Variants in TTC3 observed in about 807,000 individuals in gnomAD.
TTC3 encodes the protein E3 ubiquitin-protein ligase TTC3.
In TTC3, 180 loss-of-function variants were observed where a neutral mutation model predicts 249.6. The observed-to-expected ratio is 0.72, with a 90% CI of 0.64 to 0.82. The LOEUF is 0.82. Among genes scored for constraint, TTC3 ranks in the 40% least tolerant of loss-of-function variants. The pLI, the probability that TTC3 is intolerant of heterozygous loss-of-function variation, is 0.00. For missense variants in TTC3, 2,061 were observed against 2,398.4 expected (o/e 0.86, Z 2.94); for synonymous variants, 717 against 805.0 (o/e 0.89, Z 1.85).
rs112153138 is a variant in TTC3, at chr21:37,157,116, G to A, written c.2992+210G>A. 3.7e-5 allele frequency: 53 copies of A among 1,413,732 alleles called. No individual in the cohort carries two copies. In the African/African-American group the frequency reaches 5.7e-4, roughly 15 times the overall value. The allele number at this position is 1,413,732 out of a possible 1,614,324, so 87.6% of individuals were successfully genotyped here. A position where few individuals can be genotyped will look rare whatever the true frequency, so the allele number is the denominator to read the frequency against. ...TTATCAGTTAAAGAGATACTCAAAT[G>A]TAGGTATGTTATGCTAACAATACAC... is the stretch of plus-strand genomic sequence containing the variant. On this transcript the variant is annotated intron_variant, in intron 28 of 45. Coordinates refer to ENST00000355666, the Ensembl canonical transcript of TTC3.
chr21:37,105,991 A>G (rs1424452904), intron 10 of TTC3, among the ~76,000 whole-genome samples: 1 of 152,172 alleles, frequency 6.6e-6, no homozygotes, highest in Admixed American at 6.5e-5. Flanking sequence ...GTATGCTTAT[A>G]TGCATTTAGC....
At chr21:37,187,592 GA>G (rs914636293) in intron 38 of TTC3, 1 of 152,304 alleles carries the variant, frequency 6.6e-6, no homozygotes, top group Non-Finnish European at 1.5e-5. Context: ...CACTGTTTCA[GA>G]AACTACTGAG....
At chr21:37,194,223 G>A (rs969176238) in intron 41 of TTC3, among the ~76,000 whole-genome samples, 6 of 152,184 alleles carry the variant, frequency 3.9e-5, no homozygotes, top group South Asian at 2.1e-4. Flanking sequence ...TTCGCTTTCC[G>A]TGGTTTCGGT....
At chr21:37,094,111 T>C (rs2073650497) in intron 8 of TTC3, 21 bp downstream of exon 8, 15 of 1,449,398 alleles carry the variant, frequency 1.0e-5, no homozygotes, top group South Asian at 1.3e-5. Context: ...ATATTATAAA[T>C]ATATTTTAAG....
chr21:37,074,548 CTT>C (rs2070556205), intron 1 of TTC3, among the ~76,000 whole-genome samples: 1 of 152,142 alleles, frequency 6.6e-6, no homozygotes. Flanking sequence ...ACCTAAATCT[CTT>C]TCCATTTTGC....
At chr21:37,080,015 T>G (rs955373433) in intron 1 of TTC3, among the ~76,000 whole-genome samples, 1 of 152,154 alleles carries the variant, frequency 6.6e-6, no homozygotes, top group African/African-American at 2.4e-5. Context: ...TGTTTTTTAT[T>G]TCATTGATCT....
chr21:37,150,033 CT>C (rs1010288315), intron 23 of TTC3, 44 bp from the exon 24 acceptor site: 13 of 1,408,592 alleles, frequency 9.2e-6, no homozygotes, highest in Admixed American at 1.8e-5. Flanking sequence ...TTTATCCCCC[CT>C]AGACATAACA....
At chr21:37,088,120 C>A in intron 3 of TTC3, 76 bp from the exon 4 acceptor site, 1 of 1,322,028 alleles carries the variant, frequency 7.6e-7, no homozygotes, top group Non-Finnish European at 1.0e-6. Flanking sequence ...TCCATTTTTG[C>A]CTTTTTACTA....
chr21:37,132,797 C>G, intron 17 of TTC3, 31 bp downstream of exon 17: 2 of 1,534,230 alleles, frequency 1.3e-6, no homozygotes, highest in Non-Finnish European at 1.8e-6. Flanking sequence ...ATGGAAAAAG[C>G]AAAACTCTTT....
chr21:37,172,833 T>A, intron 35 of TTC3, 89 bp downstream of exon 35: 1 of 1,456,398 alleles, frequency 6.9e-7, no homozygotes, highest in South Asian at 1.4e-5. Flanking sequence ...TCAGCTGAAC[T>A]TCTGCATTGG....
At chr21:37,126,201 G>C in intron 15 of TTC3, 58 bp downstream of exon 15, 2 of 1,539,692 alleles carry the variant, frequency 1.3e-6, no homozygotes, top group Non-Finnish European at 1.8e-6. Context: ...CCTAAATTTG[G>C]ATGCCCTACA....
At chr21:37,147,111 TA>T in intron 21 of TTC3, among the ~76,000 whole-genome samples, 1 of 152,278 alleles carries the variant, frequency 6.6e-6, no homozygotes, top group African/African-American at 2.4e-5. Context: ...AGGAGCCTGG[TA>T]AAGTCCTCAG....
At chr21:37,162,100 T>A (rs764223627) in intron 31 of TTC3, 37 bp downstream of exon 31, 1 of 1,269,664 alleles carries the variant, frequency 7.9e-7, no homozygotes, top group Admixed American at 2.1e-5. Flanking sequence ...TCATTTTAAC[T>A]CAAATGTCTT....
At chr21:37,133,569 CTGTT>C (rs1249394038) in intron 17 of TTC3, among the ~76,000 whole-genome samples, 2 of 152,176 alleles carry the variant, frequency 1.3e-5, no homozygotes, top group African/African-American at 2.4e-5. Flanking sequence ...TTTTGAGCCT[CTGTT>C]TGTTCATTCA....
intron 22 of TTC3, 94 bp from the exon 23 acceptor site, chr21:37,148,452 T>C: frequency 1.8e-6 from 1 of 545,964 alleles, no homozygotes; most frequent in Non-Finnish European, 3.2e-6. Flanking sequence ...ATAAATATGT[T>C]AGTCAAGCTC....
intron 19 of TTC3, among the ~76,000 whole-genome samples, chr21:37,139,014 AT>A (rs1485152207): frequency 6.6e-6 from 1 of 152,184 alleles, no homozygotes; most frequent in Admixed American, 6.6e-5. Flanking sequence ...GGACATAAAC[AT>A]TGTGATCCCA....
chr21:37,075,953 AT>A (rs1280966561), intron 1 of TTC3, among the ~76,000 whole-genome samples: 1 of 152,234 alleles, frequency 6.6e-6, no homozygotes, highest in Non-Finnish European at 1.5e-5. Flanking sequence ...TAAATTCAAA[AT>A]ATATGTAAAA....
At chr21:37,166,682 G>A (rs377292011) in intron 33 of TTC3, 67 bp downstream of exon 33, 54 of 1,482,918 alleles carry the variant, frequency 3.6e-5, no homozygotes, top group South Asian at 9.9e-5. Flanking sequence ...TTTCATTGCC[G>A]TTATATTTGC....
Position 37,167,463 on chromosome 21 carries a change from T to G in TTC3, c.4402-92T>G, listed in dbSNP as rs192357896. The G allele has an allele frequency of 3.5e-4, 313 of 891,492 alleles. 3 individuals carry two copies. The Middle Eastern group carries it at 7.8e-3, about 22-fold the overall frequency. The allele number at this position is 891,492 out of a possible 1,614,324, so 55.2% of individuals were successfully genotyped here. A position where few individuals can be genotyped will look rare whatever the true frequency, so the allele number is the denominator to read the frequency against. ...AATGGGAAAAAAAACTTGAAAAAATTGTGGGTGTGTTTTAAAGTGTTACTA... is the reference window on the plus strand; with the variant it reads ...AATGGGAAAAAAAACTTGAAAAAATGGTGGGTGTGTTTTAAAGTGTTACTA... On this transcript the variant is annotated intron_variant, in intron 33 of 45. Transcript: ENST00000355666.
Sources: allele counts gnomAD v4.1 joint callset (sites outside exome capture counted in the v4.1 genomes callset), GRCh38; gene constraint gnomAD v4.1.1; transcripts MANE v1.5; gene names NCBI Gene and HGNC (gene_info 2026-07-23, HGNC 2026-07-21).